The following PTPRS variants were observed in gnomAD, a reference collection of about 807,000 sequenced individuals.
PTPRS encodes the protein protein tyrosine phosphatase receptor type S.
Under a neutral mutation model 215.3 loss-of-function variants are expected in PTPRS, and 63 were observed. The observed-to-expected ratio is 0.29, with a 90% CI of 0.24 to 0.36. The LOEUF (loss-of-function observed/expected upper bound fraction) is 0.36. PTPRS is among the 10% of genes least tolerant of loss of function. The probability of loss-of-function intolerance (pLI) is 1.00; values close to 1 mark genes in which losing one functional copy is unlikely to be tolerated. For synonymous variants in PTPRS, 1,404 were observed against 1,191.4 expected (o/e 1.18, Z -3.68); for missense variants, 2,258 against 2,825.8 (o/e 0.80, Z 4.56).
At chr19:5,279,083 G>A (rs893010403) in intron 2 of PTPRS, among the ~76,000 whole-genome samples, 35 of 151,810 alleles carry the variant, frequency 2.3e-4, no homozygotes, top group African/African-American at 7.3e-4. Context: ...CTACTCAGGA[G>A]GCTGAGGCAG....
intron 2 of PTPRS, among the ~76,000 whole-genome samples, chr19:5,283,739 T>C (rs1019046324): frequency 3.9e-5 from 6 of 152,100 alleles, no homozygotes; most frequent in South Asian, 2.1e-4. Flanking sequence ...AGTGTGGTCA[T>C]TGGGAACTTG....
At chr19:5,269,463 G>C (rs1282083066) in intron 4 of PTPRS, among the ~76,000 whole-genome samples, 1 of 152,116 alleles carries the variant, frequency 6.6e-6, no homozygotes, top group East Asian at 1.9e-4. Context: ...TGGCAGTCCA[G>C]ATGGTCCCCC....
At chr19:5,332,996 G>A (rs376228075) in intron 1 of PTPRS, among the ~76,000 whole-genome samples, 1 of 150,046 alleles carries the variant, frequency 6.7e-6, no homozygotes, top group Non-Finnish European at 1.5e-5. Context: ...CAAAAATACA[G>A]AAATTAGCCA....
At position 5,223,285 on chromosome 19, in the gene PTPRS, G is replaced by T; in HGVS notation, c.2507C>A (p.Pro836Gln). 6.8e-7 allele frequency: 1 copy of T among 1,467,498 alleles called. No individual in the cohort carries two copies. The highest frequency in any genetic ancestry group is 9.0e-7 in the Non-Finnish European group (1 of 1,116,088). The allele number at this position is 1,467,498 out of a possible 1,614,324, so 90.9% of individuals were successfully genotyped here. A position where few individuals can be genotyped will look rare whatever the true frequency, so the allele number is the denominator to read the frequency against. ...VVTKGAVLGRPTLSVQQTPEG... is the reference protein window; with the variant it reads ...VVTKGAVLGRQTLSVQQTPEG... ...GGGGGTCTGCTGCACCGACAGGGTT[G>T]GGCGGCCCAGCACTGCGGGGATACG... Residue 836 changes from proline to glutamine, a missense_variant, in exon 18 of 38, where the codon CCA becomes CAA. This residue lies in a region of PTPRS where 371 missense variants were observed against 446.7 expected (regional missense o/e 0.83). Transcript: ENST00000262963.
In PTPRS at chr19:5,220,035, G is replaced by C; in HGVS notation, c.3669C>G (p.Gly1223=). 6.2e-7 allele frequency: 1 copy of C among 1,614,064 alleles called. No individual in the cohort carries two copies. The highest frequency in any genetic ancestry group is 8.5e-7 in the Non-Finnish European group (1 of 1,180,034). The change falls in exon 22 of 38, where the codon GGC becomes GGG. Residue 1223 remains glycine, a synonymous_variant. Transcript: ENST00000262963. ...FSVLPPTFHP[G]DQKQYGGFDN... ...CGAAGCCGCCATACTGCTTCTGGTC[G>C]CCGGGATGGAACGTGGGTGGCAGCA...
intron 1 of PTPRS, among the ~76,000 whole-genome samples, chr19:5,304,332 T>G (rs1054014733): frequency 2.0e-5 from 3 of 151,892 alleles, no homozygotes; most frequent in African/African-American, 7.3e-5. Flanking sequence ...AAAATAAAAA[T>G]AGCCAGGCGT....
At chr19:5,223,549 C>A (rs2042203933) in intron 17 of PTPRS, among the ~76,000 whole-genome samples, 3 of 132,552 alleles carry the variant, frequency 2.3e-5, no homozygotes, top group Middle Eastern at 3.6e-3. Context: ...CTGCACCCAG[C>A]TGCGGTTGTG....
At chr19:5,254,536 C>A (rs1166820668) in intron 9 of PTPRS, among the ~76,000 whole-genome samples, 1 of 151,740 alleles carries the variant, frequency 6.6e-6, no homozygotes, top group East Asian at 1.9e-4. Flanking sequence ...GAGAGACACA[C>A]AGAGAGAAAG....
chr19:5,211,512 CCCA>C (rs1415625386), intron 33 of PTPRS, 75 bp downstream of exon 33: 1 of 1,444,752 alleles, frequency 6.9e-7, no homozygotes, highest in East Asian at 2.4e-5. Context: ...AGCTCTGTCT[CCCA>C]CAAGACTGGA....
intron 1 of PTPRS, among the ~76,000 whole-genome samples, chr19:5,292,010 T>A (rs2048860646): frequency 6.6e-6 from 1 of 152,000 alleles, no homozygotes; most frequent in South Asian, 2.1e-4. Flanking sequence ...TCAGCCCTCA[T>A]ACTTGTCCTC....
chr19:5,227,599 A>G (rs1024302785), intron 16 of PTPRS, among the ~76,000 whole-genome samples: 3 of 150,604 alleles, frequency 2.0e-5, no homozygotes, highest in Admixed American at 2.0e-4. Flanking sequence ...TAGTAGAGAC[A>G]GGGTTTCACC....
intron 1 of PTPRS, among the ~76,000 whole-genome samples, chr19:5,302,901 C>CAAAAAAAAAAAAA (rs61244607): frequency 8.9e-6 from 1 of 112,576 alleles, no homozygotes; most frequent in African/African-American, 3.2e-5. Flanking sequence ...ACTAAAAATA[C>CAAAAAAAAAAAAA]AAAAAAAAAA....
intron 23 of PTPRS, 178 bp from the exon 24 acceptor site, chr19:5,218,976 A>T (rs1238894984): frequency 4.5e-5 from 31 of 692,076 alleles, no homozygotes; most frequent in Non-Finnish European, 7.2e-6. Flanking sequence ...TATCGACACC[A>T]CAAGGAGGCT....
rs374973755 is a variant in PTPRS at position 5,224,343 on chromosome 19, G to C, written c.2495-1046C>G. ...CTGGGCTAGGGGCGCATAAAGCACAGCAAGGAAGTGAGGACTCAGAGAACC... is the reference window on the plus strand; with the variant it reads ...CTGGGCTAGGGGCGCATAAAGCACACCAAGGAAGTGAGGACTCAGAGAACC... On this transcript the variant is annotated intron_variant, in intron 17 of 37. Coordinates refer to ENST00000262963, the MANE Select transcript of PTPRS (RefSeq NM_002850.4). 7.2e-4 allele frequency among the ~76,000 whole-genome samples: 109 copies of C among 152,262 alleles called. 1 individual carries two copies. Among genetic ancestry groups the C allele is most frequent in the African/African-American group, 2.5e-3 (105 of 41,538 alleles).
At chr19:5,284,412 TAA>T (rs2048155872) in intron 2 of PTPRS, among the ~76,000 whole-genome samples, 2 of 138,720 alleles carry the variant, frequency 1.4e-5, no homozygotes, top group African/African-American at 5.6e-5. Flanking sequence ...AATAAATAAA[TAA>T]ATAAAAATTA....
intron 19 of PTPRS, 42 bp downstream of exon 19, chr19:5,222,079 CCT>C: frequency 1.3e-6 from 2 of 1,529,272 alleles, no homozygotes; most frequent in Non-Finnish European, 1.8e-6. Context: ...AACTACAACC[CCT>C]GACCCTGCCT....
chr19:5,319,591 C>T (rs151145845), intron 1 of PTPRS, among the ~76,000 whole-genome samples: 25 of 152,016 alleles, frequency 1.6e-4, no homozygotes, highest in African/African-American at 6.0e-4. Context: ...GCTCAAAGCC[C>T]AGGGTTCTCC....
At chr19:5,268,605 C>T (rs746000063) in intron 4 of PTPRS, among the ~76,000 whole-genome samples, 6 of 152,024 alleles carry the variant, frequency 3.9e-5, no homozygotes, top group African/African-American at 9.7e-5. Context: ...CCCAGGATTA[C>T]GAGAGAGCGG....
At position 5,258,078 on chromosome 19, in the gene PTPRS, C is replaced by T. The variant is rs1326162858; in HGVS notation, c.645G>A (p.Glu215=). 2 of 1,614,212 alleles carry T rather than the reference C, an allele frequency of 1.2e-6. No individual in the cohort carries two copies. The highest frequency in any genetic ancestry group is 2.2e-5 in the South Asian group (2 of 91,088). The part of the protein sequence containing the change: ...SSEETDQGKY[E]CVATNSAGVR... ...CGCCGGCGCTGTTGGTGGCCACACA[C>T]TCATATTTGCCCTGGTCGGTTTCCT... is the stretch of plus-strand genomic sequence containing the variant. The change falls in exon 8 of 38, where the codon GAG becomes GAA. Residue 215 remains glutamate (E), a synonymous_variant. Transcript: ENST00000262963.
Sources: allele counts gnomAD v4.1 joint callset (sites outside exome capture counted in the v4.1 genomes callset), GRCh38; gene constraint gnomAD v4.1.1; regional missense constraint gnomAD v4.1.1; transcripts MANE v1.5; gene names NCBI Gene and HGNC (gene_info 2026-07-23, HGNC 2026-07-21).